The following NR2C2 variants were observed in gnomAD, a reference collection of about 807,000 sequenced individuals.
NR2C2 encodes the protein Nuclear hormone receptor TR4.
NR2C2 carries 6 observed loss-of-function variants against 62.9 expected under a neutral mutation model. The ratio of observed to expected loss-of-function variants is 0.10; its 90% CI spans 0.05 to 0.19. The LOEUF is 0.19. NR2C2 is among the 10% of genes least tolerant of loss of function. The pLI is 1.00. For missense variants in NR2C2, 479 were observed against 762.7 expected (o/e 0.63, Z 4.38); for synonymous variants, 272 against 273.8 (o/e 0.99, Z 0.07).
At chr3:14,972,095 C>T (rs1351129231) in intron 1 of NR2C2, among the ~76,000 whole-genome samples, 1 of 151,472 alleles carries the variant, frequency 6.6e-6, no homozygotes, top group Non-Finnish European at 1.5e-5. Context: ...CAGGCATGAG[C>T]CACCGTGCCC....
intron 9 of NR2C2, among the ~76,000 whole-genome samples, chr3:15,030,838 A>C (rs2041961886): frequency 6.6e-6 from 1 of 152,144 alleles, no homozygotes; most frequent in Non-Finnish European, 1.5e-5. Flanking sequence ...AAAATAAATA[A>C]ATAAATAAAA....
At chr3:14,968,131 G>T (rs2039915563) in intron 1 of NR2C2, among the ~76,000 whole-genome samples, 1 of 152,186 alleles carries the variant, frequency 6.6e-6, no homozygotes, top group Non-Finnish European at 1.5e-5. Flanking sequence ...AGCCAAAATT[G>T]AGAAATGGGA....
At chr3:15,020,397 C>A (rs1006724455) in intron 4 of NR2C2, among the ~76,000 whole-genome samples, 1 of 152,220 alleles carries the variant, frequency 6.6e-6, no homozygotes, top group South Asian at 2.1e-4. Context: ...AGGAATAGGA[C>A]CCAGGTGTGT....
At chr3:14,988,121 C>T (rs2040560377) in intron 1 of NR2C2, among the ~76,000 whole-genome samples, 1 of 152,248 alleles carries the variant, frequency 6.6e-6, no homozygotes, top group African/African-American at 2.4e-5. Flanking sequence ...GTAAACTTTA[C>T]AGTGGAAGAA....
In NR2C2 at chr3:15,031,135, C is replaced by CAAG. The variant is rs1276531234; in HGVS notation, c.1110+684_1110+685insAGA. Among the ~76,000 whole-genome samples, 3 of 152,272 alleles carry CAAG rather than the reference C, an allele frequency of 2.0e-5. No homozygotes were observed. In the East Asian group the frequency reaches 5.8e-4, roughly 29 times the overall value. ...AGGCACTTTTGTCTCTTCTCTGTGT[C>CAAG]ATAGAAACCCTCATATAAAATCTAC... On this transcript the variant is annotated intron_variant, in intron 9 of 13. Transcript: ENST00000425241.
chr3:15,016,073 A>G, intron 3 of NR2C2, 79 bp from the exon 4 acceptor site: 1 of 1,092,760 alleles, frequency 9.2e-7, no homozygotes, highest in Non-Finnish European at 1.4e-6. Context: ...AAGTGCTGGG[A>G]TTATAGACGT....
Position 15,021,384 on chromosome 3 carries a change from T to C in NR2C2, c.556+452T>C, listed in dbSNP as rs1332711064. Among the ~76,000 whole-genome samples, 6 of 152,194 alleles carry C rather than the reference T, an allele frequency of 3.9e-5. No individual in the cohort carries two copies. In the East Asian group the frequency reaches 1.2e-3, roughly 29 times the overall value. Reference sequence around the variant, plus strand: ...TCTTCTTAGCCCCTCTACTTTCTTTTGGGATAAGGTCCTTTGCCAAGCCTC... The same window carrying C: ...TCTTCTTAGCCCCTCTACTTTCTTTCGGGATAAGGTCCTTTGCCAAGCCTC... On this transcript the variant is annotated intron_variant, in intron 5 of 13. Coordinates refer to ENST00000425241, the MANE Select transcript of NR2C2 (RefSeq NM_001291694.2).
intron 1 of NR2C2, among the ~76,000 whole-genome samples, chr3:14,955,308 TTC>T (rs1325947136): frequency 4.6e-5 from 7 of 152,214 alleles, no homozygotes; most frequent in African/African-American, 1.7e-4. Flanking sequence ...CCTCAGAAAT[TTC>T]TGTTAGCAAT....
rs1217062567 is a variant in NR2C2 at position 15,046,025 on chromosome 3, G to T, written c.*3017G>T. 3 of 152,242 alleles carry T rather than the reference G, an allele frequency of 2.0e-5. No homozygotes were observed. The highest frequency in any genetic ancestry group is 2.1e-4 in the South Asian group (1 of 4,832). The allele number at this position is 152,242 out of a possible 1,614,324, so 9.4% of individuals were successfully genotyped here. A position where few individuals can be genotyped will look rare whatever the true frequency, so the allele number is the denominator to read the frequency against. On this transcript the variant is annotated 3_prime_UTR_variant, in exon 14 of 14. Transcript: ENST00000425241. ...ATTAGCATAAAACAGGACAGGAAGA[G>T]ATTTTTTGAAAGACCAAATTAGTTG...
chr3:14,996,397 C>T (rs1384844706), intron 1 of NR2C2, among the ~76,000 whole-genome samples: 1 of 152,100 alleles, frequency 6.6e-6, no homozygotes, highest in Non-Finnish European at 1.5e-5. Flanking sequence ...GTTTTTATAA[C>T]TTAGGTTTAG....
intron 11 of NR2C2, among the ~76,000 whole-genome samples, chr3:15,036,014 C>A (rs1343431102): frequency 7.9e-5 from 12 of 152,018 alleles, no homozygotes; most frequent in Non-Finnish European, 1.5e-5. Context: ...GGCAACAGAG[C>A]GAGACTCTGT....
chr3:15,015,002 GA>G (rs1004671210), intron 3 of NR2C2, among the ~76,000 whole-genome samples: 44 of 152,288 alleles, frequency 2.9e-4, no homozygotes, highest in African/African-American at 1.0e-3. Context: ...GCTGGGATCA[GA>G]ACGCCAACAT....
intron 1 of NR2C2, among the ~76,000 whole-genome samples, chr3:14,981,242 G>A (rs2040358244): frequency 6.6e-6 from 1 of 152,134 alleles, no homozygotes; most frequent in African/African-American, 2.4e-5. Context: ...TGAGGCAGAC[G>A]GATATCCTGA....
chr3:15,021,406 C>G (rs1374398606), intron 5 of NR2C2, among the ~76,000 whole-genome samples: 1 of 152,196 alleles, frequency 6.6e-6, no homozygotes, highest in Admixed American at 6.5e-5. Context: ...CTTTGCCAAG[C>G]CTCTGTGTAG....
In NR2C2 at chr3:15,013,596, C is replaced by T; in HGVS notation, c.80C>T (p.Thr27Ile). The change falls in exon 3 of 14, where the codon ACA becomes ATA. Residue 27 changes from threonine to isoleucine, a missense_variant. Physicochemically the swap from Thr to Ile is moderately conservative, Grantham distance 89 (BLOSUM62 -1). This residue lies in a region of NR2C2 where 115 missense variants were observed against 152.3 expected (regional missense o/e 0.76). Transcript: ENST00000425241. ...CCATGTTGTGTCTTATAGATTGTCA[C>T]AGACCAGCAGACAGGACAGAAAATC... ...VASPQRIQIV[T>I]DQQTGQKIQI... is the part of the protein sequence containing the mutation. The T allele has an allele frequency of 6.2e-7, 1 of 1,614,038 alleles. No individual in the cohort carries two copies. The highest frequency in any genetic ancestry group is 8.5e-7 in the Non-Finnish European group (1 of 1,179,958).
At chr3:14,959,270 TC>T (rs2039622295) in intron 1 of NR2C2, 1 of 152,222 alleles carries the variant, frequency 6.6e-6, no homozygotes, top group Non-Finnish European at 1.5e-5. Flanking sequence ...CTGCCCCACT[TC>T]CTTACATTAC....
intron 1 of NR2C2, among the ~76,000 whole-genome samples, chr3:14,976,780 G>C (rs1031178239): frequency 2.0e-5 from 3 of 151,900 alleles, no homozygotes; most frequent in African/African-American, 7.3e-5. Context: ...TTTTACCTCA[G>C]AATTTTGAAG....
intron 10 of NR2C2, among the ~76,000 whole-genome samples, chr3:15,033,328 C>G (rs761873839): frequency 3.7e-4 from 57 of 152,160 alleles, no homozygotes; most frequent in Non-Finnish European, 7.6e-4. Context: ...CTCTGAGCCT[C>G]CAGTTTCTCA....
intron 1 of NR2C2, among the ~76,000 whole-genome samples, chr3:14,963,031 G>A (rs953999866): frequency 1.3e-5 from 2 of 152,180 alleles, no homozygotes; most frequent in African/African-American, 4.8e-5. Context: ...GATCCTGGAG[G>A]TGGATCTTCC....
Sources: gnomAD v4.1 joint callset for allele counts (sites outside exome capture counted in the v4.1 genomes callset) on GRCh38, gnomAD v4.1.1 for gene constraint, gnomAD v4.1.1 regional missense constraint, MANE v1.5 for transcripts, NCBI Gene and HGNC (gene_info 2026-07-23, HGNC 2026-07-21) for gene names.